The following ABCC4 variants were observed in gnomAD, a reference collection of about 807,000 sequenced individuals.
The protein encoded by ABCC4 is ATP-binding cassette sub-family C member 4.
Under a neutral mutation model 168.5 loss-of-function variants are expected in ABCC4, and 102 were observed. That is an observed-to-expected ratio of 0.61 (90% CI 0.52 to 0.71). The LOEUF is 0.71. Among genes scored for constraint, ABCC4 ranks in the 30% least tolerant of loss-of-function variants. The pLI is 0.00. For missense variants in ABCC4, 1,402 were observed against 1,605.8 expected (o/e 0.87, Z 2.17); for synonymous variants, 617 against 590.7 (o/e 1.04, Z -0.65).
rs1402563945 is a variant in ABCC4, at chr13:95,301,417, GC to G, written c.-104del. Reference sequence around the variant, plus strand: ...AAGCAGGGATGCTGGGGCTCCGGCCGCCACGCCTGTCCGCTCGGCTGGAGCC... The same window carrying G: ...AAGCAGGGATGCTGGGGCTCCGGCCGCACGCCTGTCCGCTCGGCTGGAGCC... On this transcript the variant is annotated 5_prime_UTR_variant, in exon 1 of 31. Coordinates refer to ENST00000645237, the MANE Select transcript of ABCC4 (RefSeq NM_005845.5). The G allele has an allele frequency of 9.8e-7, 1 of 1,017,654 alleles. No homozygotes were observed. Among genetic ancestry groups the G allele is most frequent in the African/African-American group, 1.7e-5 (1 of 58,976 alleles). The allele number at this position is 1,017,654 out of a possible 1,614,324, so 63.0% of individuals were successfully genotyped here.
At chr13:95,178,636 A>G (rs973388524) in intron 11 of ABCC4, among the ~76,000 whole-genome samples, 1 of 152,198 alleles carries the variant, frequency 6.6e-6, no homozygotes, top group Admixed American at 6.5e-5. Flanking sequence ...CACAAAACCC[A>G]TGGGGTGATA....
rs539852918 is a variant in ABCC4 at position 95,069,520 on chromosome 13, C to T, written c.3210+2142G>A. Among the ~76,000 whole-genome samples, 40 of 152,252 alleles carry T rather than the reference C, an allele frequency of 2.6e-4. 1 individual carries two copies. Among genetic ancestry groups the T allele is most frequent in the Middle Eastern group, 6.8e-3 (2 of 292 alleles). On this transcript the variant is annotated intron_variant, in intron 25 of 30. Transcript: ENST00000645237. ...ATGTTCAGTTCAATTATATTAAATA[C>T]ATTCATGTTGTTGGGCAACCGTCAC... is the stretch of plus-strand genomic sequence containing the variant.
intron 1 of ABCC4, among the ~76,000 whole-genome samples, chr13:95,252,805 G>A (rs890785388): frequency 2.4e-4 from 37 of 152,290 alleles, no homozygotes; most frequent in African/African-American, 7.5e-4. Flanking sequence ...CTGCCTCCTC[G>A]GACTGGGGGG....
rs2032485054 is a variant in ABCC4, at chr13:95,044,316, C to T, written c.3579G>A (p.Arg1193=). The T allele has an allele frequency of 6.2e-7, 1 of 1,613,412 alleles. No individual in the cohort carries two copies. The highest frequency in any genetic ancestry group is 1.7e-4 in the Middle Eastern group (1 of 6,058). The change falls in exon 28 of 31, where the codon AGG becomes AGA. Residue 1193 remains arginine, a synonymous_variant. Transcript: ENST00000645237. The stretch of plus-strand genomic sequence containing the variant: ...CATCAATAATCAATATCTGATTTTT[C>T]CTGAGAATTGCCCTGGCAAGGCACA... ...QLVCLARAIL[R]KNQILIIDEA... is the part of the protein sequence containing the mutation.
At chr13:95,294,690 C>G (rs1004965656) in intron 1 of ABCC4, among the ~76,000 whole-genome samples, 1 of 152,176 alleles carries the variant, frequency 6.6e-6, no homozygotes, top group African/African-American at 2.4e-5. Flanking sequence ...TGGCGGCTCA[C>G]GCCTGTAATC....
At chr13:95,171,530 T>TG (rs2037475908) in intron 13 of ABCC4, among the ~76,000 whole-genome samples, 1 of 148,058 alleles carries the variant, frequency 6.8e-6, no homozygotes, top group Admixed American at 6.8e-5. Flanking sequence ...CACTCCAGCC[T>TG]GGTTGACAGA....
chr13:95,074,028 C>G (rs752958615), intron 23 of ABCC4, among the ~76,000 whole-genome samples, 186 bp downstream of exon 23: 1 of 152,188 alleles, frequency 6.6e-6, no homozygotes, highest in Non-Finnish European at 1.5e-5. Context: ...CATCAAGACC[C>G]AAATGACTCC....
At chr13:95,027,253 G>A (rs966707637) in intron 30 of ABCC4, among the ~76,000 whole-genome samples, 2 of 151,770 alleles carry the variant, frequency 1.3e-5, no homozygotes, top group African/African-American at 4.8e-5. Context: ...GCATTGTTTT[G>A]CAACTTTTTT....
chr13:95,163,293 C>T, intron 17 of ABCC4, 77 bp from the exon 18 acceptor site: 3 of 1,006,274 alleles, frequency 3.0e-6, no homozygotes, highest in South Asian at 1.5e-5. Flanking sequence ...AAATGAACCA[C>T]AATTTGGGAG....
At chr13:95,126,865 T>C (rs530598811) in intron 19 of ABCC4, among the ~76,000 whole-genome samples, 3 of 147,484 alleles carry the variant, frequency 2.0e-5, no homozygotes, top group African/African-American at 7.5e-5. Flanking sequence ...TATTTATATA[T>C]ATTTAAGTAC....
chr13:95,064,297 T>TATATATACAC (rs1555306881), intron 25 of ABCC4, among the ~76,000 whole-genome samples: 55 of 104,988 alleles, frequency 5.2e-4, no homozygotes, highest in Non-Finnish European at 8.9e-4. Context: ...TATATATATA[T>TATATATACAC]ACACACACAC....
At chr13:95,092,395 T>C (rs1422912676) in intron 20 of ABCC4, among the ~76,000 whole-genome samples, 2 of 151,990 alleles carry the variant, frequency 1.3e-5, no homozygotes, top group African/African-American at 4.8e-5. Flanking sequence ...TTTTCCAAGA[T>C]AGACCATATG....
intron 21 of ABCC4, among the ~76,000 whole-genome samples, chr13:95,078,790 G>A (rs7333082): frequency 0.068 from 10,296 of 152,148 alleles, 1,088 homozygotes; most frequent in African/African-American, 0.23. Context: ...GTGACTGAAC[G>A]CGTCCATCAT....
intron 19 of ABCC4, among the ~76,000 whole-genome samples, chr13:95,158,500 A>G (rs2036955212): frequency 6.6e-6 from 1 of 152,148 alleles, no homozygotes; most frequent in African/African-American, 2.4e-5. Context: ...ACATGCCAGC[A>G]GAGGTCCTCC....
intron 19 of ABCC4, among the ~76,000 whole-genome samples, chr13:95,117,796 T>C (rs1040458861): frequency 1.4e-5 from 2 of 147,616 alleles, no homozygotes; most frequent in African/African-American, 2.5e-5. Context: ...AAAAAAAAGA[T>C]AGGCCAGGTA....
intron 8 of ABCC4, 34 bp from the exon 9 acceptor site, chr13:95,194,971 A>G: frequency 6.4e-7 from 1 of 1,572,906 alleles, no homozygotes; most frequent in Non-Finnish European, 8.7e-7. Flanking sequence ...GATTGTTTAA[A>G]TTACAGAAAC....
intron 1 of ABCC4, among the ~76,000 whole-genome samples, chr13:95,293,666 T>C (rs1322746910): frequency 6.6e-6 from 1 of 151,852 alleles, no homozygotes; most frequent in Non-Finnish European, 1.5e-5. Context: ...GGGGTTTCAT[T>C]ACGTTGGCCA....
intron 8 of ABCC4, among the ~76,000 whole-genome samples, chr13:95,195,874 T>A (rs1239627254): frequency 6.6e-6 from 1 of 152,142 alleles, no homozygotes; most frequent in Non-Finnish European, 1.5e-5. Flanking sequence ...CCTCAAGCAA[T>A]CTACCCACCT....
chr13:95,069,296 G>C (rs1231110727), intron 25 of ABCC4, among the ~76,000 whole-genome samples: 3 of 152,020 alleles, frequency 2.0e-5, no homozygotes, highest in Admixed American at 2.0e-4. Context: ...CCATTTTCTG[G>C]GGGTACAGAG....
Sources: allele counts gnomAD v4.1 joint callset (sites outside exome capture counted in the v4.1 genomes callset), GRCh38; gene constraint gnomAD v4.1.1; transcripts MANE v1.5; gene names NCBI Gene and HGNC (gene_info 2026-07-23, HGNC 2026-07-21).